AARD: variants seen among roughly 807,000 people sequenced by gnomAD.
AARD encodes the protein alanine- and arginine-rich domain-containing protein.
AARD carries 9 observed loss-of-function variants against 9.3 expected under a neutral mutation model. That is an observed-to-expected ratio of 0.97 (90% CI 0.58 to 1.69). The LOEUF is 1.69. Ranked by LOEUF, AARD falls within the 40% of genes most tolerant of loss-of-function variation. AARD has a pLI of 0.00. For missense variants in AARD, 236 were observed against 210.3 expected, an observed-to-expected ratio of 1.12 and a Z score of -0.76; for synonymous variants, 91 against 93.8, an observed-to-expected ratio of 0.97 and a Z score of 0.17.
intron 1 of AARD, among the ~76,000 whole-genome samples, chr8:116,941,604 C>T (rs1183995556): frequency 6.6e-6 from 1 of 152,132 alleles, no homozygotes; most frequent in African/African-American, 2.4e-5. Flanking sequence ...TTCTTGCTGT[C>T]AGAAAAATGA....
chr8:116,938,666 T>A, intron 1 of AARD, 99 bp downstream of exon 1: 1 of 1,364,074 alleles, frequency 7.3e-7, no homozygotes, highest in Middle Eastern at 2.7e-4. Context: ...CCCGACGCCT[T>A]GGGGGGCCCC....
At chr8:116,939,688 T>A (rs1813722687) in intron 1 of AARD, among the ~76,000 whole-genome samples, 1 of 152,210 alleles carries the variant, frequency 6.6e-6, no homozygotes, top group African/African-American at 2.4e-5. Context: ...ATTGTTAACA[T>A]GGGTTACATT....
intron 1 of AARD, chr8:116,938,790 A>C: frequency 1.7e-6 from 1 of 584,520 alleles, no homozygotes; most frequent in Non-Finnish European, 2.7e-6. Context: ...TCTACCAGTG[A>C]CATACCCAAG....
Position 116,944,430 on chromosome 8 carries a change from C to T in AARD, c.*1729C>T, listed in dbSNP as rs2130554895. On this transcript the variant is annotated 3_prime_UTR_variant, in exon 2 of 2. Coordinates refer to ENST00000378279, the MANE Select transcript of AARD (RefSeq NM_001025357.3). Reference sequence around the variant, plus strand: ...CCTGGGTGACAGAGGGGGACTTGGCCTCGAAAAAATAAATAAATAATAAAA... The same window carrying T: ...CCTGGGTGACAGAGGGGGACTTGGCTTCGAAAAAATAAATAAATAATAAAA... 1 of 152,100 alleles carries T rather than the reference C, an allele frequency of 6.6e-6. No individual in the cohort carries two copies. The highest frequency in any genetic ancestry group is 3.4e-3 in the Middle Eastern group (1 of 294). The allele number at this position is 152,100 out of a possible 1,614,324, so 9.4% of individuals were successfully genotyped here.
chr8:116,938,331 C>T lies in AARD; in HGVS notation c.88C>T (p.Pro30Ser). Residue 30 changes from proline to serine, a missense_variant, in exon 1 of 2, where the codon CCT becomes TCT. By Grantham distance (74) the Pro-to-Ser change is moderately conservative. Transcript: ENST00000378279. ...AGGTAGAGCGGAGCTTTGGTTCCCACCTCGTCCCGCGTGCGACTTCTTCGG... is the reference window on the plus strand; with the variant it reads ...AGGTAGAGCGGAGCTTTGGTTCCCATCTCGTCCCGCGTGCGACTTCTTCGG... ...LPGRAELWFPPRPACDFFGDG... is the reference protein window; with the variant it reads ...LPGRAELWFPSRPACDFFGDG... 6.2e-7 allele frequency: 1 copy of T among 1,612,978 alleles called. No individual in the cohort carries two copies. Among genetic ancestry groups the T allele is most frequent in the Non-Finnish European group, 8.5e-7 (1 of 1,179,916 alleles).
Position 116,938,482 on chromosome 8 carries a change from A to G in AARD, c.239A>G (p.Gln80Arg), listed in dbSNP as rs1174324574. The part of the protein sequence containing the change: ...AVQRAISRRV[Q>R]EAAAAAAARE... ...CAGCGCGCGATCTCGAGGCGCGTGC[A>G]GGAGGCGGCGGCGGCGGCGGCGGCG... Residue 80 changes from glutamine (Q) to arginine (R), a missense_variant, in exon 1 of 2, where the codon CAG becomes CGG. Transcript: ENST00000378279. 2 of 1,568,670 alleles carry G rather than the reference A, an allele frequency of 1.3e-6. No homozygotes were observed.
At chr8:116,938,676 C>T (rs1267935620) in intron 1 of AARD, 109 bp downstream of exon 1, 18 of 1,347,152 alleles carry the variant, frequency 1.3e-5, no homozygotes, top group Non-Finnish European at 1.7e-5. Flanking sequence ...TGGGGGGCCC[C>T]TCAGGTCTGG....
At position 116,941,134 on chromosome 8, in the gene AARD, T is replaced by A. The variant is rs76413816; in HGVS notation, c.325-1424T>A. On this transcript the variant is annotated intron_variant, in intron 1 of 1. Transcript: ENST00000378279. Reference sequence around the variant, plus strand: ...GTGCACTCTTAGTTGGGGATACAATTATGAATAATATACAGCCTCTACCCT... The same window carrying A: ...GTGCACTCTTAGTTGGGGATACAATAATGAATAATATACAGCCTCTACCCT... Among the ~76,000 whole-genome samples, 1,088 of 152,216 alleles carry A rather than the reference T, an allele frequency of 7.1e-3. 16 individuals carry two copies. The highest frequency in any genetic ancestry group is 0.025 in the African/African-American group (1,047 of 41,524).
rs769558079 is a variant in AARD at position 116,938,337 on chromosome 8, C to T, written c.94C>T (p.Pro32Ser). 1.9e-6 allele frequency: 3 copies of T among 1,613,036 alleles called. No homozygotes were observed. The highest frequency in any genetic ancestry group is 1.7e-6 in the Non-Finnish European group (2 of 1,179,946). ...GRAELWFPPR[P>S]ACDFFGDGRS... ...AGCGGAGCTTTGGTTCCCACCTCGTCCCGCGTGCGACTTCTTCGGGGACGG... is the reference window on the plus strand; with the variant it reads ...AGCGGAGCTTTGGTTCCCACCTCGTTCCGCGTGCGACTTCTTCGGGGACGG... Residue 32 changes from proline (P) to serine (S), a missense_variant, in exon 1 of 2, where the codon CCC becomes TCC. By Grantham distance (74) the Pro-to-Ser change is moderately conservative (BLOSUM62 -1). Coordinates refer to ENST00000378279, the MANE Select transcript of AARD (RefSeq NM_001025357.3).
At chr8:116,941,139 A>G (rs1813740562) in intron 1 of AARD, among the ~76,000 whole-genome samples, 1 of 152,172 alleles carries the variant, frequency 6.6e-6, no homozygotes. Flanking sequence ...ACAATTATGA[A>G]TAATATACAG....
chr8:116,940,796 A>G (rs1813737108), intron 1 of AARD, among the ~76,000 whole-genome samples: 1 of 152,136 alleles, frequency 6.6e-6, no homozygotes, highest in Admixed American at 6.5e-5. Flanking sequence ...GGTTCTATAT[A>G]CCTAAAATTG....
At position 116,942,539 on chromosome 8, in the gene AARD, A is replaced by T. The variant is rs60350887; in HGVS notation, c.325-19A>T. 1.3e-5 allele frequency: 20 copies of T among 1,590,592 alleles called. No homozygotes were observed. In the South Asian group the frequency reaches 1.5e-4, roughly 12 times the overall value. On this transcript the variant is annotated intron_variant, in intron 1 of 1. Transcript: ENST00000378279. ...TGCATCTCAGGCTAATAAAATTTTT[A>T]TTTTTTTCTAACTTTTAGGTGGAAA...
rs1379952060 is a variant in AARD at position 116,944,258 on chromosome 8, C to T, written c.*1557C>T. On this transcript the variant is annotated 3_prime_UTR_variant, in exon 2 of 2. Transcript: ENST00000378279. Reference sequence around the variant, plus strand: ...GACCAGCCTGGTCAACATGGCAAAACCCCATCTCTACTAAAAATACAAAAA... The same window carrying T: ...GACCAGCCTGGTCAACATGGCAAAATCCCATCTCTACTAAAAATACAAAAA... 1 of 152,008 alleles carries T rather than the reference C, an allele frequency of 6.6e-6. No individual in the cohort carries two copies. The highest frequency in any genetic ancestry group is 6.6e-5 in the Admixed American group (1 of 15,262). 9.4% of individuals were successfully genotyped at this position (152,008 alleles called of 1,614,324 possible). A position where few individuals can be genotyped will look rare whatever the true frequency, so the allele number is the denominator to read the frequency against.
Position 116,938,480 on chromosome 8 carries a change from G to A in AARD, c.237G>A (p.Val79=). The part of the protein sequence containing the change: ...WAVQRAISRR[V]QEAAAAAAAR... Reference sequence around the variant, plus strand: ...TGCAGCGCGCGATCTCGAGGCGCGTGCAGGAGGCGGCGGCGGCGGCGGCGG... The same window carrying A: ...TGCAGCGCGCGATCTCGAGGCGCGTACAGGAGGCGGCGGCGGCGGCGGCGG... Residue 79 remains valine (V), a synonymous_variant, in exon 1 of 2, where the codon GTG becomes GTA. Coordinates refer to ENST00000378279, the MANE Select transcript of AARD (RefSeq NM_001025357.3). 1 of 1,569,052 alleles carries A rather than the reference G, an allele frequency of 6.4e-7. No individual in the cohort carries two copies. The highest frequency in any genetic ancestry group is 8.6e-7 in the Non-Finnish European group (1 of 1,160,540).
Position 116,938,381 on chromosome 8 carries a change from G to A in AARD, c.138G>A (p.Gln46=). 1.9e-6 allele frequency: 3 copies of A among 1,612,674 alleles called. No homozygotes were observed. The highest frequency in any genetic ancestry group is 1.3e-5 in the African/African-American group (1 of 75,032). The change falls in exon 1 of 2, where the codon CAG becomes CAA. Residue 46 remains glutamine, a synonymous_variant. Coordinates refer to ENST00000378279, the MANE Select transcript of AARD (RefSeq NM_001025357.3). ...GGGACGGCAGGAGCACGGACATCCA[G>A]GAGGAGGCCCTCGCCGCCAGCCCGC... is the stretch of plus-strand genomic sequence containing the variant. ...FFGDGRSTDI[Q]EEALAASPLL...
In AARD at chr8:116,942,802, C is replaced by T; in HGVS notation, c.*101C>T. On this transcript the variant is annotated 3_prime_UTR_variant, in exon 2 of 2. Coordinates refer to ENST00000378279, the MANE Select transcript of AARD (RefSeq NM_001025357.3). ...GATCAAGACGTCAGGAGATTGAGAC[C>T]ATCCTGGCTAACACTGTGAAACCCT... The T allele has an allele frequency of 3.3e-6, 4 of 1,213,922 alleles. No homozygotes were observed. Among genetic ancestry groups the T allele is most frequent in the Non-Finnish European group, 4.6e-6 (4 of 871,620 alleles). The allele number at this position is 1,213,922 out of a possible 1,614,324, so 75.2% of individuals were successfully genotyped here.
intron 1 of AARD, 102 bp downstream of exon 1, chr8:116,938,669 G>A (rs1380863494): frequency 7.3e-7 from 1 of 1,362,356 alleles, no homozygotes; most frequent in Non-Finnish European, 9.4e-7. Context: ...GACGCCTTGG[G>A]GGGCCCCTCA....
chr8:116,938,525 G>A lies in AARD; in HGVS notation c.282G>A (p.Trp94Ter). ...CGGCGGCGCGGGAGGAGCAGAGCTG[G>A]ACGGGCGTTGAGGCCACCCTGGCCA... ...AAAAAREEQS[W>*]TGVEATLARL... Residue 94 changes from tryptophan (W) to a stop codon, truncating the protein, a stop_gained, in exon 1 of 2, where the codon TGG becomes TGA. Transcript: ENST00000378279. LOFTEE classifies it low-confidence loss of function (END_TRUNC). The A allele has an allele frequency of 2.7e-6, 4 of 1,489,526 alleles. No individual in the cohort carries two copies. Among genetic ancestry groups the A allele is most frequent in the Non-Finnish European group, 3.5e-6 (4 of 1,128,924 alleles). 92.3% of individuals were successfully genotyped at this position (1,489,526 alleles called of 1,614,324 possible). A position where few individuals can be genotyped will look rare whatever the true frequency, so the allele number is the denominator to read the frequency against.
chr8:116,941,005 A>G (rs532794815), intron 1 of AARD, among the ~76,000 whole-genome samples: 2 of 152,330 alleles, frequency 1.3e-5, no homozygotes, highest in Non-Finnish European at 2.9e-5. Flanking sequence ...TGATTCTTGC[A>G]TGAAAGTACA....
Sources: allele counts gnomAD v4.1 joint callset (sites outside exome capture counted in the v4.1 genomes callset), GRCh38; gene constraint gnomAD v4.1.1; transcripts MANE v1.5; gene names NCBI Gene and HGNC (gene_info 2026-07-23, HGNC 2026-07-21).